FAM151B: variants seen among roughly 807,000 people sequenced by gnomAD.
FAM151B encodes protein FAM151B.
FAM151B carries 24 observed loss-of-function variants against 31.2 expected under a neutral mutation model. That is an observed-to-expected ratio of 0.77 (90% CI 0.56 to 1.08). FAM151B has a LOEUF of 1.08. Among genes scored for constraint, FAM151B ranks in the 50% least tolerant of loss-of-function variants. FAM151B has a pLI of 0.00. For synonymous variants in FAM151B, 105 were observed against 111.4 expected (o/e 0.94, Z 0.36); for missense variants, 293 against 328.6 (o/e 0.89, Z 0.84).
chr5:80,513,068 T>G (rs893859519), intron 2 of FAM151B, among the ~76,000 whole-genome samples: 1 of 152,192 alleles, frequency 6.6e-6, no homozygotes, highest in Non-Finnish European at 1.5e-5. Flanking sequence ...GGCAGCCATC[T>G]TGGAGTCAGT....
intron 5 of FAM151B, among the ~76,000 whole-genome samples, chr5:80,537,572 A>G (rs1362372893): frequency 6.6e-6 from 1 of 152,194 alleles, no homozygotes; most frequent in African/African-American, 2.4e-5. Flanking sequence ...AGTGGGGTAG[A>G]CAAGGGATAA....
At chr5:80,494,456 TTTTC>T (rs3043120) in intron 1 of FAM151B, among the ~76,000 whole-genome samples, 3,046 of 82,278 alleles carry the variant, frequency 0.037, 146 homozygotes, top group African/African-American at 0.086. Flanking sequence ...TCTTTCTTTC[TTTTC>T]TTTCTTTCTT....
intron 1 of FAM151B, chr5:80,499,013 GAAAA>G: frequency 6.8e-6 from 1 of 146,908 alleles, no homozygotes; most frequent in Non-Finnish European, 1.5e-5. Context: ...ATGGCAGATG[GAAAA>G]AAAAAAAAAA....
At chr5:80,503,859 T>C (rs1012658910) in intron 2 of FAM151B, among the ~76,000 whole-genome samples, 3 of 151,892 alleles carry the variant, frequency 2.0e-5, no homozygotes, top group African/African-American at 4.8e-5. Context: ...TATACAGACT[T>C]CCTCCTCTTG....
chr5:80,501,811 A>G lies in FAM151B; in HGVS notation c.45A>G (p.Ile15Met). Residue 15 changes from isoleucine (I) to methionine (M), a missense_variant, in exon 2 of 6, where the codon ATA (isoleucine) becomes ATG (methionine). Transcript: ENST00000282226. ...AGGPGSWSEN[I>M]LEYFLRNSQI... is the part of the protein sequence containing the mutation. ...TTTTAGGATCTTGGAGTGAAAATAT[A>G]CTGGAATATTTTCTGAGAAATAGCC... 6.2e-7 allele frequency: 1 copy of G among 1,602,694 alleles called. No individual in the cohort carries two copies. Among genetic ancestry groups the G allele is most frequent in the Non-Finnish European group, 8.5e-7 (1 of 1,172,550 alleles).
At chr5:80,518,090 A>G (rs949950046) in intron 3 of FAM151B, among the ~76,000 whole-genome samples, 15 of 151,776 alleles carry the variant, frequency 9.9e-5, no homozygotes, top group African/African-American at 3.6e-4. Flanking sequence ...AAAAAAAAAA[A>G]AAAAGAAACT....
chr5:80,505,629 C>T (rs1345597986), intron 2 of FAM151B, among the ~76,000 whole-genome samples: 2 of 151,476 alleles, frequency 1.3e-5, no homozygotes, highest in Admixed American at 6.6e-5. Context: ...CTCCTGACCT[C>T]GTGATCTGCC....
intron 3 of FAM151B, among the ~76,000 whole-genome samples, chr5:80,514,066 G>A (rs1459788412): frequency 6.6e-6 from 1 of 152,180 alleles, no homozygotes; most frequent in Non-Finnish European, 1.5e-5. Context: ...AGGAGAGAGA[G>A]AGCTGGGAGA....
At chr5:80,532,729 C>T (rs1313149345) in intron 5 of FAM151B, among the ~76,000 whole-genome samples, 2 of 152,126 alleles carry the variant, frequency 1.3e-5, no homozygotes, top group African/African-American at 4.8e-5. Context: ...GATCATTCTC[C>T]AGGGTAGACC....
At chr5:80,490,346 T>A (rs561700239) in intron 1 of FAM151B, among the ~76,000 whole-genome samples, 21 of 152,142 alleles carry the variant, frequency 1.4e-4, no homozygotes, top group Non-Finnish European at 5.9e-5. Flanking sequence ...ACCAAGAACA[T>A]GCCAGCCTGG....
intron 1 of FAM151B, among the ~76,000 whole-genome samples, chr5:80,495,762 A>G (rs1424226631): frequency 7.0e-6 from 1 of 143,234 alleles, no homozygotes; most frequent in Non-Finnish European, 1.5e-5. Context: ...CCCAGGAGGC[A>G]GAGCTTGCGG....
chr5:80,532,568 C>G (rs1745290739), intron 5 of FAM151B, among the ~76,000 whole-genome samples: 1 of 152,142 alleles, frequency 6.6e-6, no homozygotes, highest in Non-Finnish European at 1.5e-5. Flanking sequence ...CTTCAACACC[C>G]CACTTTCAAC....
chr5:80,493,064 A>C (rs1259142585), intron 1 of FAM151B, among the ~76,000 whole-genome samples: 1 of 152,256 alleles, frequency 6.6e-6, no homozygotes, highest in African/African-American at 2.4e-5. Flanking sequence ...GTCAATACAA[A>C]GGAAAAGCTC....
At position 80,542,043 on chromosome 5, in the gene FAM151B, G is replaced by C; in HGVS notation, c.*211G>C. The C allele has an allele frequency of 2.0e-6, 1 of 511,774 alleles. No homozygotes were observed. The highest frequency in any genetic ancestry group is 3.4e-6 in the Non-Finnish European group (1 of 293,386). 31.7% of individuals were successfully genotyped at this position (511,774 alleles called of 1,614,324 possible). On this transcript the variant is annotated 3_prime_UTR_variant, in exon 6 of 6. Coordinates refer to ENST00000282226, the MANE Select transcript of FAM151B (RefSeq NM_205548.3). The stretch of plus-strand genomic sequence containing the variant: ...GGAAAGAAGAGATTTATTTACACAC[G>C]TGGCCTAGTCTAATAATAATTCAGG...
intron 2 of FAM151B, among the ~76,000 whole-genome samples, chr5:80,505,602 G>A (rs1461322073): frequency 1.3e-5 from 2 of 151,744 alleles, no homozygotes; most frequent in Non-Finnish European, 2.9e-5. Flanking sequence ...CACTGTGTTA[G>A]CCAGGATGGT....
At chr5:80,518,322 C>T (rs1157421602) in intron 3 of FAM151B, among the ~76,000 whole-genome samples, 1 of 152,088 alleles carries the variant, frequency 6.6e-6, no homozygotes, top group Non-Finnish European at 1.5e-5. Context: ...TTCCTTACTC[C>T]ACCCATGAAG....
chr5:80,540,271 G>A (rs1745816881), intron 5 of FAM151B, among the ~76,000 whole-genome samples: 1 of 152,166 alleles, frequency 6.6e-6, no homozygotes, highest in Admixed American at 6.5e-5. Flanking sequence ...TAAAGATCAT[G>A]GAGACTTGAG....
chr5:80,513,516 C>A (rs1034316430), intron 2 of FAM151B, 88 bp from the exon 3 acceptor site: 1 of 1,270,818 alleles, frequency 7.9e-7, no homozygotes, highest in Non-Finnish European at 1.1e-6. Context: ...TTTTTTTTAT[C>A]TTCCTCAAAA....
intron 1 of FAM151B, chr5:80,495,012 T>C (rs1051361585): frequency 2.6e-5 from 4 of 152,180 alleles, no homozygotes; most frequent in African/African-American, 9.7e-5. Context: ...CACAGGGTCC[T>C]TAGGAATTAT....
Sources: allele counts gnomAD v4.1 joint callset (sites outside exome capture counted in the v4.1 genomes callset), GRCh38; gene constraint gnomAD v4.1.1; transcripts MANE v1.5; gene names NCBI Gene and HGNC (gene_info 2026-07-23, HGNC 2026-07-21).